CTNNA3: variants seen among roughly 807,000 people sequenced by gnomAD.
CTNNA3 encodes the protein catenin alpha-3.
In CTNNA3, 76 loss-of-function variants were observed where a neutral mutation model predicts 95.7. That is an observed-to-expected ratio of 0.79 (90% CI 0.66 to 0.96). The LOEUF (loss-of-function observed/expected upper bound fraction) is 0.96. CTNNA3 is among the 40% of genes least tolerant of loss of function. CTNNA3 has a pLI of 0.00. For synonymous variants in CTNNA3, 431 were observed against 374.4 expected (o/e 1.15, Z -1.74); for missense variants, 1,191 against 1,089.8 (o/e 1.09, Z -1.31).
At chr10:67,136,718 A>C (rs114106250) in intron 7 of CTNNA3, among the ~76,000 whole-genome samples, 1,831 of 152,308 alleles carry the variant, frequency 0.012, 38 homozygotes, top group African/African-American at 0.042. Context: ...CTCCAACTAT[A>C]CTGAACTTCC....
intron 9 of CTNNA3, among the ~76,000 whole-genome samples, chr10:66,639,830 T>C (rs1845455422): frequency 1.3e-5 from 2 of 152,150 alleles, no homozygotes; most frequent in South Asian, 2.1e-4. Context: ...CATGAATAAA[T>C]TTACCAAGTC....
Position 66,436,803 on chromosome 10 carries a change from T to A in CTNNA3, c.1532-57451A>T, listed in dbSNP as rs185887133. Among the ~76,000 whole-genome samples the A allele has an allele frequency of 2.6e-5, 4 of 152,238 alleles. No individual in the cohort carries two copies. In the East Asian group the frequency reaches 7.7e-4, roughly 29 times the overall value. On this transcript the variant is annotated intron_variant, in intron 11 of 17. Transcript: ENST00000433211. ...AGTGCCGATGGTCTTTACAATTTGA[T>A]ATGTTTTTGCAGTGGCTGGTACCAG...
At chr10:67,761,605 G>A (rs943519257) in intron 1 of CTNNA3, among the ~76,000 whole-genome samples, 8 of 152,110 alleles carry the variant, frequency 5.3e-5, no homozygotes, top group East Asian at 1.9e-4. Flanking sequence ...CGAGCCGGGC[G>A]CGGTGGTTCA....
intron 5 of CTNNA3, among the ~76,000 whole-genome samples, chr10:67,447,362 T>C (rs973862593): frequency 2.0e-4 from 31 of 152,368 alleles, no homozygotes; most frequent in Non-Finnish European, 3.8e-4. Flanking sequence ...GCCTATGATA[T>C]GCAACACAAT....
At chr10:67,205,297 C>T (rs994026765) in intron 6 of CTNNA3, among the ~76,000 whole-genome samples, 2 of 152,238 alleles carry the variant, frequency 1.3e-5, no homozygotes, top group African/African-American at 4.8e-5. Context: ...CGGTTTCAGT[C>T]CCAAGTAAGA....
chr10:66,015,128 T>TAATAAAAA (rs2079070441), intron 15 of CTNNA3, among the ~76,000 whole-genome samples: 2 of 149,360 alleles, frequency 1.3e-5, no homozygotes, highest in African/African-American at 2.5e-5. Flanking sequence ...AATAATAAAA[T>TAATAAAAA]AAAATAAAAT....
chr10:66,380,993 A>G (rs1347482072), intron 11 of CTNNA3, among the ~76,000 whole-genome samples: 1 of 149,378 alleles, frequency 6.7e-6, no homozygotes, highest in East Asian at 1.9e-4. Flanking sequence ...AGACAGATCA[A>G]TGAGACAGAA....
chr10:66,861,575 A>G (rs1011242250), intron 7 of CTNNA3, among the ~76,000 whole-genome samples: 1 of 152,156 alleles, frequency 6.6e-6, no homozygotes, highest in African/African-American at 2.4e-5. Context: ...TGAGTAAATG[A>G]ATGAATGGAT....
chr10:66,806,001 A>G (rs1841625357), intron 7 of CTNNA3, among the ~76,000 whole-genome samples: 6 of 152,040 alleles, frequency 3.9e-5, no homozygotes. Context: ...CTCTCATACT[A>G]TTCATAAGGG....
In CTNNA3 at chr10:67,415,921, T is replaced by G. The variant is rs183443513; in HGVS notation, c.579+105921A>C. ...AAAGGACTCCCTATTCAATAAATGGTGCTGGGATAACTGGCTAGCCATATG... is the reference window on the plus strand; with the variant it reads ...AAAGGACTCCCTATTCAATAAATGGGGCTGGGATAACTGGCTAGCCATATG... On this transcript the variant is annotated intron_variant, in intron 5 of 17. Transcript: ENST00000433211. 2.3e-3 allele frequency among the ~76,000 whole-genome samples: 343 copies of G among 152,264 alleles called. 1 individual carries two copies. Among genetic ancestry groups the G allele is most frequent in the African/African-American group, 7.8e-3 (326 of 41,548 alleles).
intron 3 of CTNNA3, among the ~76,000 whole-genome samples, chr10:67,597,511 T>C (rs1842964678): frequency 6.6e-6 from 1 of 152,204 alleles, no homozygotes; most frequent in South Asian, 2.1e-4. Context: ...GCTTCATTTC[T>C]GGATGATTTC....
At chr10:66,893,655 T>C (rs1464377811) in intron 7 of CTNNA3, among the ~76,000 whole-genome samples, 2 of 152,132 alleles carry the variant, frequency 1.3e-5, no homozygotes, top group African/African-American at 4.8e-5. Context: ...AGAGAATTGT[T>C]TACTCTGTCC....
chr10:66,861,767 A>G (rs1417079225), intron 7 of CTNNA3, among the ~76,000 whole-genome samples: 8 of 152,184 alleles, frequency 5.3e-5, no homozygotes, highest in African/African-American at 1.2e-4. Flanking sequence ...TCCTTGATTT[A>G]ACCCACCACT....
rs1458294907 is a variant in CTNNA3, at chr10:66,012,650, A to G, written c.2160-23853T>C. On this transcript the variant is annotated intron_variant, in intron 15 of 17. Coordinates refer to ENST00000433211, the MANE Select transcript of CTNNA3 (RefSeq NM_013266.4). ...TTGACCTATACCATTATAGAAACTA[A>G]TAGTTGAATGGAAACTTGATGGTCA... Among the ~76,000 whole-genome samples the G allele has an allele frequency of 2.0e-5, 3 of 152,198 alleles. No individual in the cohort carries two copies. In the East Asian group the frequency reaches 5.8e-4, roughly 29 times the overall value.
At chr10:67,217,951 A>C (rs1449639280) in intron 6 of CTNNA3, among the ~76,000 whole-genome samples, 1 of 152,116 alleles carries the variant, frequency 6.6e-6, no homozygotes, top group Non-Finnish European at 1.5e-5. Flanking sequence ...AATGCAGTCA[A>C]AACATCATTT....
chr10:66,633,581 A>G (rs12256716), intron 9 of CTNNA3, among the ~76,000 whole-genome samples: 3,058 of 152,060 alleles, frequency 0.02, 64 homozygotes, highest in African/African-American at 0.05. Flanking sequence ...TTGGGAGGCT[A>G]AGGCAGGAGA....
intron 7 of CTNNA3, among the ~76,000 whole-genome samples, chr10:67,033,590 T>G (rs890628913): frequency 6.6e-6 from 1 of 152,206 alleles, no homozygotes; most frequent in Non-Finnish European, 1.5e-5. Flanking sequence ...CCGAGCACTG[T>G]TCTAACTACA....
At chr10:67,305,978 AG>A (rs1305761956) in intron 5 of CTNNA3, among the ~76,000 whole-genome samples, 1 of 152,240 alleles carries the variant, frequency 6.6e-6, no homozygotes, top group Non-Finnish European at 1.5e-5. Context: ...GGTCTGAAAA[AG>A]AATCAGTGTG....
chr10:67,115,322 G>C (rs556942845), intron 7 of CTNNA3, among the ~76,000 whole-genome samples: 1 of 151,176 alleles, frequency 6.6e-6, no homozygotes, highest in African/African-American at 2.4e-5. Context: ...TTCAGTAACA[G>C]ATTTGGGGAC....
Sources: allele counts gnomAD v4.1 joint callset (sites outside exome capture counted in the v4.1 genomes callset), GRCh38; gene constraint gnomAD v4.1.1; transcripts MANE v1.5; gene names NCBI Gene and HGNC (gene_info 2026-07-23, HGNC 2026-07-21).